The following MYH13 variants were observed in gnomAD, a reference collection of about 807,000 sequenced individuals.
MYH13 encodes the protein myosin-13.
In MYH13, 177 loss-of-function variants were observed where a neutral mutation model predicts 232.1. The observed-to-expected ratio is 0.76, with a 90% CI of 0.67 to 0.86. The LOEUF (loss-of-function observed/expected upper bound fraction) is 0.86, where lower values mean the gene tolerates loss of function less well. MYH13 is among the 40% of genes least tolerant of loss of function. The pLI, the probability that MYH13 is intolerant of heterozygous loss-of-function variation, is 0.00. For synonymous variants in MYH13, 884 were observed against 923.5 expected, an observed-to-expected ratio of 0.96 and a Z score of 0.78; for missense variants, 2,246 against 2,405.9, an observed-to-expected ratio of 0.93 and a Z score of 1.39.
chr17:10,337,675 A>G (rs1006090869), intron 18 of MYH13, among the ~76,000 whole-genome samples: 2 of 152,238 alleles, frequency 1.3e-5, no homozygotes, highest in Non-Finnish European at 2.9e-5. Context: ...AGAAATTGAC[A>G]TGAAAACAGA....
chr17:10,350,804 G>C, intron 11 of MYH13, 110 bp from the exon 12 acceptor site: 1 of 1,412,110 alleles, frequency 7.1e-7, no homozygotes, highest in South Asian at 1.2e-5. Context: ...GACAGCATTT[G>C]CCCAAATAAG....
intron 15 of MYH13, among the ~76,000 whole-genome samples, chr17:10,344,923 G>T (rs2071650613): frequency 6.6e-6 from 1 of 152,032 alleles, no homozygotes; most frequent in Non-Finnish European, 1.5e-5. Context: ...TGGGTCTTTG[G>T]GTAAGTCAAA....
At position 10,343,946 on chromosome 17, in the gene MYH13, T is replaced by C. The variant is rs746888832; in HGVS notation, c.1748A>G (p.His583Arg). The C allele has an allele frequency of 4.3e-6, 7 of 1,614,234 alleles. No individual in the cohort carries two copies. Among genetic ancestry groups the C allele is most frequent in the Non-Finnish European group, 5.1e-6 (6 of 1,180,044 alleles). ...GTTGTAGTCCACGGTGCCGGCATAGTGCACCAGCGAGAAGTGAGCCTCAGC... is the reference window on the plus strand; with the variant it reads ...GTTGTAGTCCACGGTGCCGGCATAGCGCACCAGCGAGAAGTGAGCCTCAGC... ...GKAEAHFSLVHYAGTVDYNIA... is the reference protein window; with the variant it reads ...GKAEAHFSLVRYAGTVDYNIA... The change falls in exon 16 of 41, where the codon CAC becomes CGC. Residue 583 changes from histidine to arginine, a missense_variant. Coordinates refer to ENST00000252172, the MANE Select transcript of MYH13 (RefSeq NM_003802.3).
At chr17:10,315,583 C>T (rs995710063) in intron 29 of MYH13, 110 bp downstream of exon 29, 13 of 952,188 alleles carry the variant, frequency 1.4e-5, no homozygotes, top group South Asian at 8.2e-5. Context: ...TGTGAGTCAC[C>T]GTGCCCAGCT....
At chr17:10,370,635 T>G (rs2071870889) in intron 2 of MYH13, among the ~76,000 whole-genome samples, 1 of 152,202 alleles carries the variant, frequency 6.6e-6, no homozygotes, top group South Asian at 2.1e-4. Flanking sequence ...ATCCCTCTCC[T>G]GGGAATTTCA....
At chr17:10,338,689 G>GTTTTTTTTTTTTTTTT (rs757791680) in intron 18 of MYH13, among the ~76,000 whole-genome samples, 4 of 108,812 alleles carry the variant, frequency 3.7e-5, no homozygotes, top group Non-Finnish European at 3.8e-5. Context: ...TTTTATCCTT[G>GTTTTTTTTTTTTTTTT]TTTTTTTTTT....
chr17:10,355,015 G>A lies in MYH13; in HGVS notation c.803-22C>T, dbSNP rs985195202. On this transcript the variant is annotated intron_variant, in intron 9 of 40. Coordinates refer to ENST00000252172, the MANE Select transcript of MYH13 (RefSeq NM_003802.3). ...AGATCTAAGGTAACAAAAATAACGT[G>A]ATTTCAGGCTCCCAAGAGATGCTTT... 3 of 1,609,524 alleles carry A rather than the reference G, an allele frequency of 1.9e-6. No individual in the cohort carries two copies. In the African/African-American group the frequency reaches 4.0e-5, roughly 22 times the overall value.
At chr17:10,308,059 T>TTA (rs1906351183) in intron 35 of MYH13, among the ~76,000 whole-genome samples, 1 of 152,222 alleles carries the variant, frequency 6.6e-6, no homozygotes, top group Non-Finnish European at 1.5e-5. Flanking sequence ...GCACAGTGGC[T>TTA]CATGCCTGTA....
chr17:10,361,695 A>G (rs746514285), intron 5 of MYH13, among the ~76,000 whole-genome samples: 5 of 152,072 alleles, frequency 3.3e-5, no homozygotes, highest in African/African-American at 4.8e-5. Flanking sequence ...CCATGTCCTT[A>G]CTCCCCAGGT....
chr17:10,346,009 A>AC (rs1190743415), intron 13 of MYH13, among the ~76,000 whole-genome samples: 2 of 142,490 alleles, frequency 1.4e-5, no homozygotes, highest in Non-Finnish European at 3.0e-5. Context: ...AAAAAAAAAA[A>AC]AAAACAAAAG....
intron 21 of MYH13, 98 bp from the exon 22 acceptor site, chr17:10,328,219 G>C: frequency 7.0e-7 from 1 of 1,436,506 alleles, no homozygotes; most frequent in Non-Finnish European, 9.5e-7. Context: ...GTCTTTCTCG[G>C]TTAGGTGGGA....
chr17:10,348,366 C>CTAGGTT (rs1204691844), intron 12 of MYH13, among the ~76,000 whole-genome samples: 13 of 152,292 alleles, frequency 8.5e-5, no homozygotes, highest in East Asian at 5.8e-4. Flanking sequence ...TCGGACTGCT[C>CTAGGTT]TAGGTTTAGG....
intron 39 of MYH13, 35 bp downstream of exon 39, chr17:10,303,161 G>T: frequency 6.3e-7 from 1 of 1,588,322 alleles, no homozygotes. Context: ...GGGACTGTCT[G>T]TCTGTGGGCA....
chr17:10,353,163 C>G (rs960602742), intron 11 of MYH13, among the ~76,000 whole-genome samples: 1 of 152,208 alleles, frequency 6.6e-6, no homozygotes, highest in African/African-American at 2.4e-5. Context: ...CCTTTTTCTG[C>G]CTATAAATAC....
chr17:10,345,081 C>T (rs997391371), intron 15 of MYH13, 121 bp downstream of exon 15: 10 of 1,458,666 alleles, frequency 6.9e-6, no homozygotes, highest in Non-Finnish European at 8.5e-6. Context: ...ATTCAGTTAT[C>T]TATCTGAAGG....
chr17:10,372,830 T>C (rs1252000601), intron 1 of MYH13, 149 bp downstream of exon 1: 1 of 152,212 alleles, frequency 6.6e-6, no homozygotes, highest in Non-Finnish European at 1.5e-5. Flanking sequence ...CTTTCCATCT[T>C]GTCTCCAACC....
rs1173953612 is a variant in MYH13, at chr17:10,315,990, A to G, written c.3774T>C (p.Asp1258=). 1.2e-6 allele frequency: 2 copies of G among 1,613,876 alleles called. No individual in the cohort carries two copies. The highest frequency in any genetic ancestry group is 1.1e-5 in the South Asian group (1 of 91,086). The change falls in exon 28 of 41, where the codon GAT becomes GAC. Residue 1258 remains aspartate (D), a synonymous_variant. Coordinates refer to ENST00000252172, the MANE Select transcript of MYH13 (RefSeq NM_003802.3). The part of the protein sequence containing the change: ...NIERTCRTVE[D]QFSEIKAKDE... ...CCTTGGCTTTGATTTCACTAAATTG[A>G]TCTTCTACCGTCCGGCACGTTCTTT...
chr17:10,310,712 C>T (rs780988675), intron 33 of MYH13, among the ~76,000 whole-genome samples: 7 of 152,134 alleles, frequency 4.6e-5, no homozygotes, highest in Non-Finnish European at 5.9e-5. Flanking sequence ...TGACCACCAC[C>T]GATTACTGCA....
intron 40 of MYH13, 68 bp downstream of exon 40, chr17:10,301,501 T>C (rs1274256698): frequency 6.3e-7 from 1 of 1,599,340 alleles, no homozygotes; most frequent in Non-Finnish European, 8.5e-7. Flanking sequence ...AGGCATTCGC[T>C]CTTACCTGGC....
Sources: gnomAD v4.1 joint callset for allele counts (sites outside exome capture counted in the v4.1 genomes callset) on GRCh38, gnomAD v4.1.1 for gene constraint, MANE v1.5 for transcripts, NCBI Gene and HGNC (gene_info 2026-07-23, HGNC 2026-07-21) for gene names.